USP13: variants seen among roughly 807,000 people sequenced by gnomAD.
USP13 encodes ubiquitin carboxyl-terminal hydrolase 13.
In USP13, 68 loss-of-function variants were observed where a neutral mutation model predicts 107.8. The observed-to-expected ratio is 0.63, with a 90% CI of 0.52 to 0.77. The LOEUF (loss-of-function observed/expected upper bound fraction) is 0.77. Ranked by LOEUF, USP13 falls within the 30% of genes least tolerant of loss-of-function variation. The probability of loss-of-function intolerance (pLI) is 0.00; values close to 1 mark genes in which losing one functional copy is unlikely to be tolerated. For missense variants in USP13, 945 were observed against 1,093.3 expected (o/e 0.86, Z 1.91); for synonymous variants, 377 against 389.5 (o/e 0.97, Z 0.38).
At chr3:179,714,568 C>T (rs1713040074) in intron 6 of USP13, among the ~76,000 whole-genome samples, 1 of 152,184 alleles carries the variant, frequency 6.6e-6, no homozygotes, top group Non-Finnish European at 1.5e-5. Context: ...TAGTGTGCCT[C>T]ACACATAGTA....
intron 10 of USP13, among the ~76,000 whole-genome samples, chr3:179,739,424 A>G (rs1714109471): frequency 1.3e-5 from 2 of 152,206 alleles, no homozygotes; most frequent in South Asian, 4.1e-4. Flanking sequence ...GCAGCTCTGC[A>G]GTGCTTCACT....
chr3:179,706,361 G>A (rs943976666), intron 4 of USP13, among the ~76,000 whole-genome samples: 1 of 152,176 alleles, frequency 6.6e-6, no homozygotes, highest in African/African-American at 2.4e-5. Flanking sequence ...AGTTGGTGCC[G>A]AGCAGTTCAT....
chr3:179,680,276 G>T (rs754043822), intron 1 of USP13, among the ~76,000 whole-genome samples: 24 of 152,204 alleles, frequency 1.6e-4, no homozygotes, highest in Middle Eastern at 6.8e-3. Flanking sequence ...TGCATTATAA[G>T]ATTTCATCCT....
intron 1 of USP13, among the ~76,000 whole-genome samples, chr3:179,661,461 A>T (rs959779920): frequency 1.3e-4 from 20 of 148,242 alleles, no homozygotes; most frequent in Non-Finnish European, 3.0e-4. Context: ...CATAGATAGG[A>T]TTTTTTTTTT....
At chr3:179,746,877 A>T (rs1401132762) in intron 13 of USP13, among the ~76,000 whole-genome samples, 2 of 151,956 alleles carry the variant, frequency 1.3e-5, no homozygotes, top group Non-Finnish European at 2.9e-5. Flanking sequence ...AACCTATATT[A>T]TTTGTTCTCT....
intron 19 of USP13, among the ~76,000 whole-genome samples, chr3:179,774,262 A>G (rs1290348076): frequency 2.0e-5 from 3 of 152,090 alleles, no homozygotes; most frequent in Non-Finnish European, 4.4e-5. Context: ...TGAGGGATCC[A>G]CCTCCATGTC....
chr3:179,733,834 G>A (rs1713893403), intron 10 of USP13, among the ~76,000 whole-genome samples: 1 of 152,202 alleles, frequency 6.6e-6, no homozygotes, highest in African/African-American at 2.4e-5. Context: ...TGCGGAAACG[G>A]ATGCACAGAA....
chr3:179,707,102 C>A, intron 5 of USP13, 26 bp downstream of exon 5: 2 of 1,605,430 alleles, frequency 1.2e-6, no homozygotes, highest in Non-Finnish European at 1.7e-6. Context: ...CAGAATGGAA[C>A]TTTACTCCCT....
At chr3:179,656,194 C>T (rs2108427184) in intron 1 of USP13, among the ~76,000 whole-genome samples, 1 of 152,308 alleles carries the variant, frequency 6.6e-6, no homozygotes, top group South Asian at 2.1e-4. Flanking sequence ...ACTAATTTGC[C>T]TGTAATGTAT....
chr3:179,744,497 G>A (rs1714327164), intron 12 of USP13, among the ~76,000 whole-genome samples: 1 of 152,056 alleles, frequency 6.6e-6, no homozygotes, highest in Non-Finnish European at 1.5e-5. Flanking sequence ...ATCTCTTTCT[G>A]GCCTTATCTG....
At chr3:179,680,203 A>AACAACAAC (rs1560046045) in intron 1 of USP13, among the ~76,000 whole-genome samples, 3 of 118,656 alleles carry the variant, frequency 2.5e-5, no homozygotes, top group Non-Finnish European at 5.4e-5. Flanking sequence ...ACAACAACAA[A>AACAACAAC]AAGAAAGAGA....
At chr3:179,753,652 T>G (rs1485681177) in intron 14 of USP13, among the ~76,000 whole-genome samples, 1 of 152,184 alleles carries the variant, frequency 6.6e-6, no homozygotes, top group African/African-American at 2.4e-5. Context: ...TGTTTGGTTT[T>G]GCTGCCCCCT....
intron 6 of USP13, among the ~76,000 whole-genome samples, chr3:179,717,749 A>G (rs1713158330): frequency 6.6e-6 from 1 of 152,194 alleles, no homozygotes; most frequent in Non-Finnish European, 1.5e-5. Context: ...TCAATTTATT[A>G]GTTCAAAGGT....
intron 19 of USP13, among the ~76,000 whole-genome samples, chr3:179,775,284 A>G (rs1010324477): frequency 2.0e-5 from 3 of 152,150 alleles, no homozygotes; most frequent in African/African-American, 4.8e-5. Context: ...TCCTTTAGCT[A>G]GATGTAAACG....
At chr3:179,733,932 C>T (rs977822195) in intron 10 of USP13, among the ~76,000 whole-genome samples, 5 of 152,132 alleles carry the variant, frequency 3.3e-5, no homozygotes, top group East Asian at 3.9e-4. Flanking sequence ...TTTTGATCAC[C>T]GCATTATCCT....
intron 1 of USP13, among the ~76,000 whole-genome samples, chr3:179,662,962 A>C (rs1166566890): frequency 2.6e-5 from 4 of 151,990 alleles, no homozygotes; most frequent in Non-Finnish European, 5.9e-5. Context: ...CTCTCTTTTT[A>C]TTTTTTAAGT....
At chr3:179,696,328 A>AT (rs4041265) in intron 3 of USP13, among the ~76,000 whole-genome samples, 11,295 of 117,486 alleles carry the variant, frequency 0.096, 1,310 homozygotes, top group African/African-American at 0.19. Context: ...GCCATTAGGC[A>AT]TTTTTTTTTT....
At chr3:179,770,644 C>T (rs796621912) in intron 19 of USP13, among the ~76,000 whole-genome samples, 46 of 150,334 alleles carry the variant, frequency 3.1e-4, no homozygotes, top group African/African-American at 1.1e-3. Flanking sequence ...CTCGCTCTGT[C>T]GCCAGGCTGG....
chr3:179,755,461 AT>A (rs891667959), intron 15 of USP13, among the ~76,000 whole-genome samples: 7 of 149,428 alleles, frequency 4.7e-5, no homozygotes, highest in African/African-American at 1.2e-4. Flanking sequence ...TGCCTGCTTA[AT>A]TTTTTTTTTG....
Sources: gnomAD v4.1 joint callset for allele counts (sites outside exome capture counted in the v4.1 genomes callset) on GRCh38, gnomAD v4.1.1 for gene constraint, MANE v1.5 for transcripts, NCBI Gene and HGNC (gene_info 2026-07-23, HGNC 2026-07-21) for gene names.